Variants in DCAF6 observed in about 807,000 individuals in gnomAD.
DCAF6 encodes the protein DDB1- and CUL4-associated factor 6.
Under a neutral mutation model 125.1 loss-of-function variants are expected in DCAF6, and 54 were observed. That is an observed-to-expected ratio of 0.43 (90% confidence interval 0.35 to 0.54). The LOEUF is 0.54. Among genes scored for constraint, DCAF6 ranks in the 20% least tolerant of loss-of-function variants. The probability of loss-of-function intolerance (pLI) is 0.01; values close to 1 mark genes in which losing one functional copy is unlikely to be tolerated. For missense variants in DCAF6, 934 were observed against 1,161.7 expected (o/e 0.80, Z 2.85); for synonymous variants, 371 against 390.4 (o/e 0.95, Z 0.58).
Position 167,958,140 on chromosome 1 carries a change from A to G in DCAF6, c.159+6279A>G, listed in dbSNP as rs76189857. Among the ~76,000 whole-genome samples the G allele has an allele frequency of 3.3e-3, 509 of 152,008 alleles. 4 individuals are homozygous for G. The highest frequency in any genetic ancestry group is 0.012 in the African/African-American group (496 of 41,492). ...TGTCCTTTAATGTACAAAAGTTTTT[A>G]ATTTTGGTGAAGTCTAATTTCTTTT... On this transcript the variant is annotated intron_variant, in intron 2 of 21. Coordinates refer to ENST00000367840, the MANE Select transcript of DCAF6 (RefSeq NM_001198956.2).
At chr1:167,988,205 G>T (rs944819825) in intron 5 of DCAF6, among the ~76,000 whole-genome samples, 1 of 151,982 alleles carries the variant, frequency 6.6e-6, no homozygotes, top group African/African-American at 2.4e-5. Flanking sequence ...TGTCATCTCA[G>T]GCCGGAGTGC....
At chr1:167,957,139 A>C (rs1473662971) in intron 2 of DCAF6, among the ~76,000 whole-genome samples, 4 of 152,098 alleles carry the variant, frequency 2.6e-5, no homozygotes, top group Non-Finnish European at 1.5e-5. Context: ...ATACTATAAA[A>C]CTGACGCATC....
At chr1:167,875,730 C>G in the DCAF6 span, among the ~76,000 whole-genome samples, 1 of 152,184 alleles carries the variant, frequency 6.6e-6, no homozygotes, top group African/African-American at 2.4e-5. Context: ...GTGGGCAGAT[C>G]ACGAGGTCAG....
chr1:167,993,768 A>G (rs1681227183), intron 7 of DCAF6, among the ~76,000 whole-genome samples: 3 of 151,950 alleles, frequency 2.0e-5, no homozygotes, highest in Non-Finnish European at 1.5e-5. Flanking sequence ...CAACAACAAC[A>G]ACAACAACAA....
intron 1 of DCAF6, among the ~76,000 whole-genome samples, chr1:167,944,999 C>T (rs1208407387): frequency 6.6e-6 from 1 of 152,148 alleles, no homozygotes; most frequent in Non-Finnish European, 1.5e-5. Flanking sequence ...AGTGTATGTT[C>T]TTGTCGGCTT....
chr1:167,880,418 T>C, the DCAF6 span: 6 of 1,145,620 alleles, frequency 5.2e-6, no homozygotes, highest in South Asian at 7.4e-5. Context: ...TCTTTCCTGT[T>C]CCCTGCATGC....
intron 1 of DCAF6, among the ~76,000 whole-genome samples, chr1:167,937,501 C>G (rs992557952): frequency 6.6e-6 from 1 of 152,166 alleles, no homozygotes; most frequent in South Asian, 2.1e-4. Context: ...TCCGTGTAAA[C>G]TGTTTTTGCG....
chr1:167,867,291 A>G, the DCAF6 span, among the ~76,000 whole-genome samples: 1 of 152,214 alleles, frequency 6.6e-6, no homozygotes, highest in East Asian at 1.9e-4. Flanking sequence ...GCCCTGCTCC[A>G]GTCACACCCG....
Position 168,043,958 on chromosome 1 carries a change from A to G in DCAF6, c.1844-627A>G, listed in dbSNP as rs189513028. Among the ~76,000 whole-genome samples the G allele has an allele frequency of 1.3e-3, 194 of 152,252 alleles. 1 individual carries two copies. The highest frequency in any genetic ancestry group is 4.5e-3 in the African/African-American group (187 of 41,562). ...GAAAAATGCTCAGTTTTAAGTTTAGATTTCGGGAAGGTTAGTAAAATGCAG... is the reference window on the plus strand; with the variant it reads ...GAAAAATGCTCAGTTTTAAGTTTAGGTTTCGGGAAGGTTAGTAAAATGCAG... On this transcript the variant is annotated intron_variant, in intron 14 of 21. Coordinates refer to ENST00000367840, the MANE Select transcript of DCAF6 (RefSeq NM_001198956.2).
At chr1:167,956,544 GT>G (rs1337366378) in intron 2 of DCAF6, among the ~76,000 whole-genome samples, 2 of 151,830 alleles carry the variant, frequency 1.3e-5, no homozygotes, top group Admixed American at 6.6e-5. Flanking sequence ...TTGTTTTTCT[GT>G]TTTCTATTTC....
At position 168,041,208 on chromosome 1, in the gene DCAF6, G is replaced by A. The variant is rs911872657; in HGVS notation, c.1728-1817G>A. ...CTGAGAAGGCCCTCATTGATTGTTA[G>A]CTACAGTTCTCATCTTTTGTAAATT... On this transcript the variant is annotated intron_variant, in intron 13 of 21. Coordinates refer to ENST00000367840, the MANE Select transcript of DCAF6 (RefSeq NM_001198956.2). Among the ~76,000 whole-genome samples, 3 of 152,148 alleles carry A rather than the reference G, an allele frequency of 2.0e-5. No homozygotes were observed. In the East Asian group the frequency reaches 5.8e-4, roughly 29 times the overall value.
intron 13 of DCAF6, 172 bp from the exon 14 acceptor site, chr1:168,042,853 A>G (rs1055834024): frequency 7.7e-6 from 4 of 519,724 alleles, no homozygotes; most frequent in South Asian, 6.1e-5. Context: ...GTGTGTTATG[A>G]TAGTCATCTT....
At chr1:168,017,040 T>C (rs1685067772) in intron 11 of DCAF6, among the ~76,000 whole-genome samples, 1 of 151,998 alleles carries the variant, frequency 6.6e-6, no homozygotes, top group Non-Finnish European at 1.5e-5. Flanking sequence ...CATTGTAATA[T>C]AGATATGATG....
At chr1:168,036,394 C>T (rs912132503) in intron 12 of DCAF6, among the ~76,000 whole-genome samples, 1 of 152,140 alleles carries the variant, frequency 6.6e-6, no homozygotes, top group African/African-American at 2.4e-5. Flanking sequence ...CTCACATCTG[C>T]TTTTGTTTTC....
At position 167,983,049 on chromosome 1, in the gene DCAF6, T is replaced by C. The variant is rs115881225; in HGVS notation, c.439-4446T>C. On this transcript the variant is annotated intron_variant, in intron 4 of 21. Coordinates refer to ENST00000367840, the MANE Select transcript of DCAF6 (RefSeq NM_001198956.2). ...TCTTGTTTTCGTACCAGTACTATGC[T>C]GTTTTGGTTACTGTAGCCTTAAAGT... Among the ~76,000 whole-genome samples the C allele has an allele frequency of 5.0e-3, 754 of 152,314 alleles. 5 individuals carry two copies. The highest frequency in any genetic ancestry group is 0.017 in the African/African-American group (707 of 41,558).
chr1:167,887,752 T>A, the DCAF6 span, among the ~76,000 whole-genome samples: 1 of 151,584 alleles, frequency 6.6e-6, no homozygotes, highest in Non-Finnish European at 1.5e-5. Flanking sequence ...TCAATGAAAC[T>A]AATTTTTTAT....
At chr1:167,941,534 G>A (rs1672235412) in intron 1 of DCAF6, among the ~76,000 whole-genome samples, 1 of 152,128 alleles carries the variant, frequency 6.6e-6, no homozygotes. Context: ...TTCTCTAGGT[G>A]TATATATAAA....
In DCAF6 at chr1:168,068,338, A is replaced by T. The variant is rs1323046300; in HGVS notation, c.2686-20A>T. 1 of 1,565,390 alleles carries T rather than the reference A, an allele frequency of 6.4e-7. No homozygotes were observed. The highest frequency in any genetic ancestry group is 8.8e-7 in the Non-Finnish European group (1 of 1,138,824). On this transcript the variant is annotated intron_variant, in intron 20 of 21. Coordinates refer to ENST00000367840, the MANE Select transcript of DCAF6 (RefSeq NM_001198956.2). Reference sequence around the variant, plus strand: ...CAGTTACTTTATGATCTTTGATACGATTTTTAACTTGCCTTGTAGGTTATA... The same window carrying T: ...CAGTTACTTTATGATCTTTGATACGTTTTTTAACTTGCCTTGTAGGTTATA...
At position 167,991,307 on chromosome 1, in the gene DCAF6, A is replaced by G; in HGVS notation, c.656A>G (p.Tyr219Cys). The stretch of plus-strand genomic sequence containing the variant: ...TGTTCTGACAGCTCAGTACGAATAT[A>G]TGATCGGCGAATGCTGGGCACAAGA... ...VGCSDSSVRIYDRRMLGTRAT... is the reference protein window; with the variant it reads ...VGCSDSSVRICDRRMLGTRAT... Residue 219 changes from tyrosine to cysteine, a missense_variant, in exon 6 of 22, where the codon TAT (tyrosine) becomes TGT (cysteine). Physicochemically the swap from Tyr to Cys is radical, Grantham distance 194 (BLOSUM62 -2). This residue lies in a region of DCAF6 where 309 missense variants were observed against 381.2 expected (regional missense o/e 0.81). Transcript: ENST00000367840. The G allele has an allele frequency of 6.2e-7, 1 of 1,613,178 alleles. No homozygotes were observed. The highest frequency in any genetic ancestry group is 8.5e-7 in the Non-Finnish European group (1 of 1,179,596).
Sources: gnomAD v4.1 joint callset for allele counts (sites outside exome capture counted in the v4.1 genomes callset) on GRCh38, gnomAD v4.1.1 for gene constraint, gnomAD v4.1.1 regional missense constraint, MANE v1.5 for transcripts, NCBI Gene and HGNC (gene_info 2026-07-23, HGNC 2026-07-21) for gene names.